The following NRG1 variants were observed in gnomAD, a reference collection of about 807,000 sequenced individuals.
The protein encoded by NRG1 is pro-neuregulin-1, membrane-bound isoform.
NRG1 carries 18 observed loss-of-function variants against 63.8 expected under a neutral mutation model. The ratio of observed to expected loss-of-function variants is 0.28; its 90% CI spans 0.19 to 0.42. The LOEUF is 0.42. Ranked by LOEUF, NRG1 falls within the 10% of genes least tolerant of loss-of-function variation. NRG1 has a pLI of 1.00. For synonymous variants in NRG1, 302 were observed against 301.3 expected (o/e 1.00, Z -0.02); for missense variants, 762 against 814.7 (o/e 0.94, Z 0.79).
chr8:32,487,992 AAGG>A (rs1826108992), intron 1 of NRG1, among the ~76,000 whole-genome samples: 1 of 152,174 alleles, frequency 6.6e-6, no homozygotes. Context: ...GCTCCATTAG[AAGG>A]GGTCTTTCTG....
chr8:31,723,291 A>G (rs1813102252), intron 1 of NRG1, among the ~76,000 whole-genome samples: 1 of 152,156 alleles, frequency 6.6e-6, no homozygotes, highest in African/African-American at 2.4e-5. Flanking sequence ...GGTAAAGAGG[A>G]CAGAGGACAC....
intron 1 of NRG1, among the ~76,000 whole-genome samples, chr8:32,265,986 T>G (rs1246575729): frequency 6.6e-6 from 1 of 152,174 alleles, no homozygotes; most frequent in Non-Finnish European, 1.5e-5. Flanking sequence ...TACTACGCCG[T>G]TTTACATCAG....
intron 1 of NRG1, among the ~76,000 whole-genome samples, chr8:32,260,917 A>G (rs1563244213): frequency 1.3e-5 from 2 of 152,100 alleles, no homozygotes; most frequent in South Asian, 4.1e-4. Context: ...ATTGTTACTT[A>G]CAGTTTAAGT....
chr8:31,863,129 A>G (rs553628944), intron 1 of NRG1, among the ~76,000 whole-genome samples: 31 of 152,294 alleles, frequency 2.0e-4, no homozygotes, highest in Middle Eastern at 3.4e-3. Flanking sequence ...TTGTAAGCAC[A>G]TTCACACCAC....
chr8:32,125,058 T>G (rs555624764), intron 1 of NRG1, among the ~76,000 whole-genome samples: 1 of 151,988 alleles, frequency 6.6e-6, no homozygotes, highest in South Asian at 2.1e-4. Context: ...GAAAACTAAC[T>G]TAGGCCCTTT....
intron 1 of NRG1, among the ~76,000 whole-genome samples, chr8:32,483,874 G>A (rs896407994): frequency 2.0e-5 from 3 of 152,182 alleles, no homozygotes; most frequent in Non-Finnish European, 4.4e-5. Context: ...GGGGGCCGAG[G>A]CGGGCAGATC....
intron 1 of NRG1, among the ~76,000 whole-genome samples, chr8:32,086,653 A>C (rs1362739302): frequency 6.6e-6 from 1 of 152,220 alleles, no homozygotes; most frequent in African/African-American, 2.4e-5. Context: ...CTGCATCTTC[A>C]GCACAAGTAG....
chr8:31,742,266 T>C (rs1007953581), intron 1 of NRG1, among the ~76,000 whole-genome samples: 1 of 151,778 alleles, frequency 6.6e-6, no homozygotes, highest in African/African-American at 2.4e-5. Flanking sequence ...GGGGCTATGA[T>C]TGGAGAAGGT....
At chr8:32,738,454 A>C (rs1210974923) in intron 6 of NRG1, among the ~76,000 whole-genome samples, 1 of 151,918 alleles carries the variant, frequency 6.6e-6, no homozygotes, top group Non-Finnish European at 1.5e-5. Flanking sequence ...ACATATGTAT[A>C]TATATTTAAA....
At chr8:32,126,712 G>T (rs564530500) in intron 1 of NRG1, among the ~76,000 whole-genome samples, 6 of 152,066 alleles carry the variant, frequency 3.9e-5, no homozygotes, top group African/African-American at 1.4e-4. Flanking sequence ...AAGACTTGGA[G>T]AAGGAGCCTG....
intron 1 of NRG1, among the ~76,000 whole-genome samples, chr8:31,981,686 A>G (rs1809128501): frequency 6.6e-6 from 1 of 152,054 alleles, no homozygotes; most frequent in South Asian, 2.1e-4. Flanking sequence ...TCACCAGCAG[A>G]TTAATATTCT....
At chr8:31,694,662 G>A (rs1809873940) in intron 1 of NRG1, among the ~76,000 whole-genome samples, 1 of 152,162 alleles carries the variant, frequency 6.6e-6, no homozygotes, top group Non-Finnish European at 1.5e-5. Flanking sequence ...TGAAAATAAT[G>A]ACCTAGAGCC....
chr8:32,687,245 C>T lies in NRG1; in HGVS notation c.503-40704C>T, dbSNP rs577076259. The stretch of plus-strand genomic sequence containing the variant: ...ATCCCTTCCTCAATAAAGGGGCAAA[C>T]AAGGTTGTTCTGGTATCATCTGTGG... On this transcript the variant is annotated intron_variant, in intron 5 of 11. Coordinates refer to ENST00000356819, the Ensembl canonical transcript of NRG1. Among the ~76,000 whole-genome samples the T allele has an allele frequency of 3.3e-5, 5 of 152,244 alleles. No individual in the cohort carries two copies. The East Asian group carries it at 9.6e-4, about 29-fold the overall frequency.
chr8:32,667,694 C>T (rs1385063145), intron 5 of NRG1, among the ~76,000 whole-genome samples: 1 of 151,976 alleles, frequency 6.6e-6, no homozygotes, highest in Non-Finnish European at 1.5e-5. Flanking sequence ...TTAGAGTTCA[C>T]TTGTTTCTTC....
intron 1 of NRG1, among the ~76,000 whole-genome samples, chr8:32,153,910 A>C (rs1229430050): frequency 1.3e-5 from 2 of 152,218 alleles, no homozygotes; most frequent in Non-Finnish European, 2.9e-5. Context: ...GGATCAAGTA[A>C]CCACCCTGAC....
intron 1 of NRG1, among the ~76,000 whole-genome samples, chr8:32,320,192 A>C (rs892206844): frequency 6.6e-6 from 1 of 152,156 alleles, no homozygotes; most frequent in African/African-American, 2.4e-5. Flanking sequence ...ATGCCAATGA[A>C]CCTAGCAATT....
intron 1 of NRG1, among the ~76,000 whole-genome samples, chr8:32,236,552 G>A (rs1362628013): frequency 6.6e-6 from 1 of 152,080 alleles, no homozygotes; most frequent in African/African-American, 2.4e-5. Flanking sequence ...TTGGAGTCTG[G>A]ATAGTAGGGA....
exon 12 of NRG1, chr8:32,766,737 C>T (rs1289126774): frequency 6.6e-6 from 1 of 152,140 alleles, no homozygotes; most frequent in Non-Finnish European, 1.5e-5. Flanking sequence ...GTATTTCTAA[C>T]TTGATTCTGA....
chr8:32,454,246 G>A (rs1482038383), intron 1 of NRG1, among the ~76,000 whole-genome samples: 2 of 152,150 alleles, frequency 1.3e-5, no homozygotes. Flanking sequence ...GTGACGGGTA[G>A]TATTTTGATT....
Sources: gnomAD v4.1 joint callset for allele counts (sites outside exome capture counted in the v4.1 genomes callset) on GRCh38, gnomAD v4.1.1 for gene constraint, MANE v1.5 for transcripts, NCBI Gene and HGNC (gene_info 2026-07-23, HGNC 2026-07-21) for gene names.